The following SLC9A7 variants were observed in gnomAD, a reference collection of about 807,000 sequenced individuals.
The protein encoded by SLC9A7 is solute carrier family 9 member A7, also known as sodium/hydrogen exchanger 7.
SLC9A7 carries 19 observed loss-of-function variants against 52.6 expected under a neutral mutation model. The observed-to-expected ratio is 0.36, with a 90% CI of 0.25 to 0.53. The LOEUF (loss-of-function observed/expected upper bound fraction) is 0.53. Ranked by LOEUF, SLC9A7 falls within the 20% of genes least tolerant of loss-of-function variation. The pLI is 0.91. For synonymous variants in SLC9A7, 226 were observed against 252.1 expected (o/e 0.90, Z 0.98); for missense variants, 455 against 597.9 (o/e 0.76, Z 2.49).
intron 2 of SLC9A7, 131 bp downstream of exon 2, chrX:46,682,205 T>TAGGGA: frequency 1.6e-6 from 1 of 637,119 alleles, no homozygotes; most frequent in Non-Finnish European, 2.4e-6. Context: ...AAAAGCTTTG[T>TAGGGA]AACAAAACAG....
intron 1 of SLC9A7, among the ~76,000 whole-genome samples, chrX:46,722,119 G>A (rs1432795935): frequency 2.7e-5 from 3 of 111,210 alleles, no homozygotes; most frequent in East Asian, 2.8e-4. Flanking sequence ...GTGTAAGGGC[G>A]AGTAGTGAGT....
chrX:46,742,262 T>C (rs1457805986), intron 1 of SLC9A7, among the ~76,000 whole-genome samples: 1 of 111,272 alleles, frequency 9.0e-6, no homozygotes, highest in African/African-American at 3.3e-5. Context: ...ATCCCATTCC[T>C]GGGTATTTAC....
intron 3 of SLC9A7, among the ~76,000 whole-genome samples, chrX:46,678,412 T>TTTTA (rs368646149): frequency 0.02 from 1,776 of 90,979 alleles, 37 homozygotes; most frequent in South Asian, 0.052. Context: ...TGGCATTTGT[T>TTTTA]TTTATTTATT....
At chrX:46,639,342 C>T (rs1182616366) in intron 12 of SLC9A7, among the ~76,000 whole-genome samples, 3 of 102,814 alleles carry the variant, frequency 2.9e-5, no homozygotes, top group Non-Finnish European at 5.9e-5. Context: ...AGTGCAGTGG[C>T]GTGATCTCAG....
rs190942313 is a variant in SLC9A7 at position 46,611,957 on chromosome X, G to C, written c.1929+1332C>G. 2.4e-3 allele frequency among the ~76,000 whole-genome samples: 264 copies of C among 111,555 alleles called. 1 individual carries two copies. The highest frequency in any genetic ancestry group is 8.1e-3 in the African/African-American group (250 of 30,714). ...GCCTTTCCTAACCCTGCTACCCCTCGTTAGAACTTACCTGTTTAGGGCCGT... is the reference window on the plus strand; with the variant it reads ...GCCTTTCCTAACCCTGCTACCCCTCCTTAGAACTTACCTGTTTAGGGCCGT... On this transcript the variant is annotated intron_variant, in intron 16 of 16. Transcript: ENST00000616978.
chrX:46,707,832 C>T (rs1944627493), intron 1 of SLC9A7, among the ~76,000 whole-genome samples: 1 of 112,335 alleles, frequency 8.9e-6, no homozygotes, highest in African/African-American at 3.2e-5. Flanking sequence ...CTCCACCTCT[C>T]GAGTTCAAGT....
intron 1 of SLC9A7, among the ~76,000 whole-genome samples, chrX:46,719,312 A>G (rs1273158490): frequency 2.2e-5 from 2 of 92,080 alleles, no homozygotes; most frequent in African/African-American, 3.9e-5. Context: ...GGGGAGGGGG[A>G]AGGGATAGCA....
At chrX:46,701,294 G>T (rs1944526991) in intron 1 of SLC9A7, among the ~76,000 whole-genome samples, 1 of 111,729 alleles carries the variant, frequency 9.0e-6, no homozygotes, top group East Asian at 2.8e-4. Context: ...CCCCTTAAAA[G>T]CTCTTATTAT....
At chrX:46,667,752 G>A (rs780221814) in intron 5 of SLC9A7, among the ~76,000 whole-genome samples, 13 of 112,088 alleles carry the variant, frequency 1.2e-4, no homozygotes, top group Non-Finnish European at 2.4e-4. Context: ...TATCTCTACC[G>A]TGAGGACAGG....
intron 7 of SLC9A7, among the ~76,000 whole-genome samples, chrX:46,654,821 T>C (rs966860639): frequency 1.8e-5 from 2 of 111,028 alleles, no homozygotes; most frequent in African/African-American, 6.6e-5. Flanking sequence ...CTGAGCAATA[T>C]ACGTCTCCAA....
chrX:46,613,173 T>C, intron 16 of SLC9A7, 116 bp downstream of exon 16: 1 of 450,429 alleles, frequency 2.2e-6, no homozygotes, highest in Non-Finnish European at 3.6e-6. Flanking sequence ...AATCAGCTTA[T>C]TAGAGAAGCA....
chrX:46,635,797 A>G (rs1943309813), intron 12 of SLC9A7, 149 bp from the exon 13 acceptor site: 2 of 430,881 alleles, frequency 4.6e-6, no homozygotes, highest in Admixed American at 8.9e-5. Context: ...CCCATCCTCT[A>G]AAACCCAGAG....
intron 13 of SLC9A7, among the ~76,000 whole-genome samples, chrX:46,632,091 G>A (rs1943231805): frequency 8.9e-6 from 1 of 111,859 alleles, no homozygotes; most frequent in African/African-American, 3.3e-5. Flanking sequence ...ACTTTAGAGT[G>A]AACCCCTATA....
intron 1 of SLC9A7, among the ~76,000 whole-genome samples, chrX:46,706,740 C>T (rs1318221459): frequency 5.4e-5 from 6 of 111,544 alleles, no homozygotes; most frequent in Non-Finnish European, 1.1e-4. Flanking sequence ...CTAGGTTCTG[C>T]CCAGGGGCAG....
At chrX:46,658,212 C>A in intron 7 of SLC9A7, among the ~76,000 whole-genome samples, 1 of 103,213 alleles carries the variant, frequency 9.7e-6, no homozygotes, top group Admixed American at 1.1e-4. Context: ...CTCTGGGACG[C>A]ATTCAAAGCA....
intron 8 of SLC9A7, among the ~76,000 whole-genome samples, chrX:46,652,239 C>G (rs556186256): frequency 1.8e-5 from 2 of 111,653 alleles, no homozygotes; most frequent in African/African-American, 6.5e-5. Flanking sequence ...CAGCCTCTAT[C>G]TCCAAGGCTC....
intron 1 of SLC9A7, among the ~76,000 whole-genome samples, chrX:46,690,952 T>C (rs902241800): frequency 9.0e-6 from 1 of 111,595 alleles, no homozygotes; most frequent in Non-Finnish European, 1.9e-5. Flanking sequence ...GTGGGAGAAA[T>C]GGGAGCTGGT....
At chrX:46,618,223 C>T (rs1207105435) in intron 15 of SLC9A7, among the ~76,000 whole-genome samples, 1 of 111,372 alleles carries the variant, frequency 9.0e-6, no homozygotes, top group Non-Finnish European at 1.9e-5. Context: ...GGAAACCAGG[C>T]TTTAGGTGGG....
intron 15 of SLC9A7, among the ~76,000 whole-genome samples, chrX:46,615,556 T>C (rs1225987201): frequency 9.1e-6 from 1 of 109,894 alleles, no homozygotes; most frequent in East Asian, 2.8e-4. Flanking sequence ...TTTTCAGTTC[T>C]CCACCTCAGG....
Sources: gnomAD v4.1 joint callset for allele counts (sites outside exome capture counted in the v4.1 genomes callset) on GRCh38, gnomAD v4.1.1 for gene constraint, MANE v1.5 for transcripts, NCBI Gene and HGNC (gene_info 2026-07-23, HGNC 2026-07-21) for gene names.